CLNK: variants seen among roughly 807,000 people sequenced by gnomAD.
The protein encoded by CLNK is cytokine dependent hematopoietic cell linker.
In CLNK, 74 loss-of-function variants were observed where a neutral mutation model predicts 68.6. That is an observed-to-expected ratio of 1.08 (90% CI 0.89 to 1.31). The LOEUF is 1.31. Ranked by LOEUF, CLNK falls within the 50% of genes most tolerant of loss-of-function variation. The pLI is 0.00. For synonymous variants in CLNK, 198 were observed against 172.2 expected (o/e 1.15, Z -1.17); for missense variants, 553 against 515.3 (o/e 1.07, Z -0.71).
rs1214370440 is a variant in CLNK at position 10,633,334 on chromosome 4, ATTC to A, written c.11+34522_11+34524del. Reference sequence around the variant, plus strand: ...TGCATTCTCTCAAGTCGACAGCGTTATTCTTTGTGCATGTGTTACCATCTTCAT... The same window carrying A: ...TGCATTCTCTCAAGTCGACAGCGTTATTTGTGCATGTGTTACCATCTTCAT... On this transcript the variant is annotated intron_variant, in intron 2 of 18. Coordinates refer to ENST00000226951, the MANE Select transcript of CLNK (RefSeq NM_052964.4). 5.3e-5 allele frequency among the ~76,000 whole-genome samples: 8 copies of A among 152,338 alleles called. No individual in the cohort carries two copies. The South Asian group carries it at 1.5e-3, about 28-fold the overall frequency.
chr4:10,524,430 T>C (rs1332156021), intron 14 of CLNK, among the ~76,000 whole-genome samples: 2 of 152,242 alleles, frequency 1.3e-5, no homozygotes, highest in Non-Finnish European at 2.9e-5. Context: ...CCAAGTCACA[T>C]GGTTCACTGC....
intron 2 of CLNK, among the ~76,000 whole-genome samples, chr4:10,618,292 T>C (rs968991372): frequency 6.6e-6 from 1 of 152,218 alleles, no homozygotes; most frequent in Non-Finnish European, 1.5e-5. Flanking sequence ...TTGACTGATT[T>C]CATTTAGGTG....
At chr4:10,522,639 G>A (rs1204522377) in intron 14 of CLNK, among the ~76,000 whole-genome samples, 1 of 150,988 alleles carries the variant, frequency 6.6e-6, no homozygotes. Flanking sequence ...CAAACGTGTT[G>A]AACACTTACT....
the CLNK span, among the ~76,000 whole-genome samples, chr4:10,695,260 T>C: frequency 6.6e-6 from 1 of 152,224 alleles, no homozygotes; most frequent in Non-Finnish European, 1.5e-5. Flanking sequence ...TTCCACAATG[T>C]ATACATGTGC....
chr4:10,527,183 A>C (rs1219925067), intron 13 of CLNK, among the ~76,000 whole-genome samples: 1 of 152,220 alleles, frequency 6.6e-6, no homozygotes, highest in African/African-American at 2.4e-5. Context: ...GTGTTGCCTG[A>C]TGAAACAGTA....
chr4:10,658,106 C>A (rs946750577), intron 2 of CLNK, among the ~76,000 whole-genome samples: 11 of 152,198 alleles, frequency 7.2e-5, no homozygotes, highest in Non-Finnish European at 1.3e-4. Flanking sequence ...AATGCCACCA[C>A]ACCCCTTCCC....
At chr4:10,676,293 C>G (rs986448252) in intron 1 of CLNK, among the ~76,000 whole-genome samples, 2 of 151,892 alleles carry the variant, frequency 1.3e-5, no homozygotes, top group Non-Finnish European at 2.9e-5. Context: ...ATACCCCAGT[C>G]AGATCAATCA....
chr4:10,610,484 C>A (rs112848822), intron 2 of CLNK, among the ~76,000 whole-genome samples: 70 of 152,070 alleles, frequency 4.6e-4, no homozygotes, highest in Non-Finnish European at 4.1e-4. Context: ...GCTTTTTCCC[C>A]CCTCTTCTTT....
At chr4:10,498,939 A>G (rs1716920479) in intron 18 of CLNK, among the ~76,000 whole-genome samples, 1 of 152,178 alleles carries the variant, frequency 6.6e-6, no homozygotes, top group South Asian at 2.1e-4. Flanking sequence ...AAATAATCCG[A>G]TCAAACTTTT....
intron 2 of CLNK, among the ~76,000 whole-genome samples, chr4:10,632,207 CCTT>C (rs1361146189): frequency 6.6e-6 from 1 of 152,236 alleles, no homozygotes; most frequent in African/African-American, 2.4e-5. Context: ...CAGGCATCGT[CCTT>C]GACCATCTCA....
intron 2 of CLNK, among the ~76,000 whole-genome samples, chr4:10,636,955 A>C (rs1560255545): frequency 6.6e-6 from 1 of 152,104 alleles, no homozygotes; most frequent in Non-Finnish European, 1.5e-5. Flanking sequence ...TTCCAAGTAC[A>C]CTTGTGACTC....
At chr4:10,625,046 G>A (rs1003623652) in intron 2 of CLNK, among the ~76,000 whole-genome samples, 1 of 152,202 alleles carries the variant, frequency 6.6e-6, no homozygotes, top group African/African-American at 2.4e-5. Context: ...TAACCATCAT[G>A]GTATTGTGAA....
chr4:10,673,179 C>A lies in CLNK; in HGVS notation c.-42-5268G>T, dbSNP rs1350942218. Among the ~76,000 whole-genome samples, 3 of 152,092 alleles carry A rather than the reference C, an allele frequency of 2.0e-5. No homozygotes were observed. The East Asian group carries it at 5.8e-4, about 29-fold the overall frequency. The stretch of plus-strand genomic sequence containing the variant: ...AGGGTAGAGTTTACTACTGTATCTG[C>A]AACTATTTATGAGGCTTTACAATGT... On this transcript the variant is annotated intron_variant, in intron 1 of 18. Coordinates refer to ENST00000226951, the MANE Select transcript of CLNK (RefSeq NM_052964.4).
At chr4:10,619,590 G>C (rs956470938) in intron 2 of CLNK, among the ~76,000 whole-genome samples, 3 of 152,088 alleles carry the variant, frequency 2.0e-5, no homozygotes, top group Non-Finnish European at 4.4e-5. Context: ...TGTGCAGGAG[G>C]GGTTGGGGTG....
At chr4:10,623,935 A>G (rs1420609967) in intron 2 of CLNK, among the ~76,000 whole-genome samples, 1 of 152,260 alleles carries the variant, frequency 6.6e-6, no homozygotes, top group Non-Finnish European at 1.5e-5. Context: ...ACTAGTGAAG[A>G]AAGGAAGAAA....
intron 17 of CLNK, among the ~76,000 whole-genome samples, chr4:10,502,589 C>T (rs1031919612): frequency 1.3e-5 from 2 of 151,414 alleles, no homozygotes; most frequent in Non-Finnish European, 2.9e-5. Flanking sequence ...GCTTGATGCT[C>T]GGGTATTATT....
At chr4:10,651,053 G>T (rs1407829435) in intron 2 of CLNK, among the ~76,000 whole-genome samples, 1 of 152,166 alleles carries the variant, frequency 6.6e-6, no homozygotes, top group African/African-American at 2.4e-5. Flanking sequence ...GGAAAGAACA[G>T]ATGCTGAAGA....
At chr4:10,537,670 T>C (rs28450191) in intron 11 of CLNK, among the ~76,000 whole-genome samples, 2,738 of 45,050 alleles carry the variant, frequency 0.061, 50 homozygotes, top group African/African-American at 0.12. Flanking sequence ...TTTCTTTCTT[T>C]CTTTCTTTCT....
chr4:10,650,234 C>G (rs1723673010), intron 2 of CLNK, among the ~76,000 whole-genome samples: 1 of 151,994 alleles, frequency 6.6e-6, no homozygotes, highest in South Asian at 2.1e-4. Context: ...AATAGAAACT[C>G]TGAATGAAAG....
Sources: gnomAD v4.1 joint callset for allele counts (sites outside exome capture counted in the v4.1 genomes callset) on GRCh38, gnomAD v4.1.1 for gene constraint, MANE v1.5 for transcripts, NCBI Gene and HGNC (gene_info 2026-07-23, HGNC 2026-07-21) for gene names.